Variants in AGBL1 observed in about 807,000 individuals in gnomAD.
AGBL1 encodes the protein cytosolic carboxypeptidase 4.
AGBL1 carries 130 observed loss-of-function variants against 118.9 expected under a neutral mutation model. The observed-to-expected ratio is 1.09, with a 90% CI of 0.95 to 1.26. The LOEUF (loss-of-function observed/expected upper bound fraction) is 1.26. Among genes scored for constraint, AGBL1 ranks in the 50% most tolerant of loss-of-function variants. The pLI, the probability that AGBL1 is intolerant of heterozygous loss-of-function variation, is 0.00. For missense variants in AGBL1, 1,584 were observed against 1,298.1 expected (o/e 1.22, Z -3.38); for synonymous variants, 555 against 478.9 (o/e 1.16, Z -2.08).
rs527889074 is a variant in AGBL1 at position 86,635,112 on chromosome 15, C to A, written c.2995-39161C>A. Among the ~76,000 whole-genome samples, 5 of 152,032 alleles carry A rather than the reference C, an allele frequency of 3.3e-5. No homozygotes were observed. The South Asian group carries it at 1.0e-3, about 32-fold the overall frequency. Reference sequence around the variant, plus strand: ...TAATGATATATTCTCATTTAAGAGGCTGTGGAGAAGAGAAAAGAATGAGTG... The same window carrying A: ...TAATGATATATTCTCATTTAAGAGGATGTGGAGAAGAGAAAAGAATGAGTG... On this transcript the variant is annotated intron_variant, in intron 21 of 22. Transcript: ENST00000614907.
In AGBL1 at chr15:86,158,508, A is replaced by G. The variant is rs560218784; in HGVS notation, c.395-425A>G. ...GCTCTACCTAAAGTGATCTAAGTGG[A>G]ATAGGGTACTGGGAATGTTGGAGAG... On this transcript the variant is annotated intron_variant, in intron 4 of 22. Coordinates refer to ENST00000614907, the MANE Select transcript of AGBL1 (RefSeq NM_001386094.1). 1.1e-4 allele frequency among the ~76,000 whole-genome samples: 16 copies of G among 152,310 alleles called. 1 individual carries two copies. Among genetic ancestry groups the G allele is most frequent in the Admixed American group, 2.6e-4 (4 of 15,288 alleles).
rs928214589 is a variant in AGBL1, at chr15:86,396,243, G to GTGTGTGTA, written c.2375-1122_2375-1121insGTGTGTAT. 7.1e-5 allele frequency among the ~76,000 whole-genome samples: 9 copies of GTGTGTGTA among 126,630 alleles called. 1 individual carries two copies. Among genetic ancestry groups the GTGTGTGTA allele is most frequent in the African/African-American group, 2.5e-4 (8 of 32,376 alleles). 83.1% of individuals were successfully genotyped at this position (126,630 alleles called of 152,430 possible). A position where few individuals can be genotyped will look rare whatever the true frequency, so the allele number is the denominator to read the frequency against. On this transcript the variant is annotated intron_variant, in intron 17 of 22. Coordinates refer to ENST00000614907, the MANE Select transcript of AGBL1 (RefSeq NM_001386094.1). The stretch of plus-strand genomic sequence containing the variant: ...TATATATATGTGTGTGTGTGTGTGT[G>GTGTGTGTA]TATATATATATATATATATACACAC...
At position 86,266,291 on chromosome 15, in the gene AGBL1, A is replaced by T. The variant is rs1597651266; in HGVS notation, c.1668-83A>T. 13 of 1,009,696 alleles carry T rather than the reference A, an allele frequency of 1.3e-5. No individual in the cohort carries two copies. The East Asian group carries it at 3.6e-4, about 28-fold the overall frequency. The allele number at this position is 1,009,696 out of a possible 1,614,324, so 62.5% of individuals were successfully genotyped here. A position where few individuals can be genotyped will look rare whatever the true frequency, so the allele number is the denominator to read the frequency against. ...CTTTCATATTTTTCTGGTGACCCCC[A>T]AAGTTCTTCCCAGGTGATCACAGGA... On this transcript the variant is annotated intron_variant, in intron 11 of 22. Transcript: ENST00000614907.
chr15:86,991,381 G>A (rs958113862), intron 24 of AGBL1, among the ~76,000 whole-genome samples: 1 of 151,638 alleles, frequency 6.6e-6, no homozygotes, highest in African/African-American at 2.4e-5. Flanking sequence ...CATTTCCATC[G>A]TTTCCCCAAA....
chr15:86,545,198 T>A (rs1490908077), intron 19 of AGBL1, among the ~76,000 whole-genome samples: 3 of 152,168 alleles, frequency 2.0e-5, no homozygotes, highest in African/African-American at 7.2e-5. Context: ...GATCCTAGAA[T>A]GAAGAAAACA....
At chr15:86,957,649 TTGAA>T (rs1309519566) in intron 23 of AGBL1, among the ~76,000 whole-genome samples, 1 of 152,038 alleles carries the variant, frequency 6.6e-6, no homozygotes, top group East Asian at 1.9e-4. Flanking sequence ...TAACAAAAAT[TTGAA>T]TGATCTTTCA....
intron 22 of AGBL1, among the ~76,000 whole-genome samples, chr15:86,679,969 T>C (rs2085923801): frequency 6.6e-6 from 1 of 152,122 alleles, no homozygotes; most frequent in South Asian, 2.1e-4. Flanking sequence ...TATTTGTGAG[T>C]GAGTGAAGTC....
At chr15:86,604,797 CTT>C (rs56780270) in intron 21 of AGBL1, among the ~76,000 whole-genome samples, 7 of 132,026 alleles carry the variant, frequency 5.3e-5, no homozygotes, top group Non-Finnish European at 8.2e-5. Context: ...TCTTTTCTTT[CTT>C]TTTTTTTTTT....
intron 20 of AGBL1, among the ~76,000 whole-genome samples, chr15:86,547,389 T>C (rs984960719): frequency 2.6e-5 from 4 of 152,086 alleles, no homozygotes; most frequent in African/African-American, 4.8e-5. Flanking sequence ...GGTAATAATA[T>C]TAATAGATAA....
intron 17 of AGBL1, among the ~76,000 whole-genome samples, chr15:86,338,426 G>T (rs2080407732): frequency 6.6e-6 from 1 of 152,124 alleles, no homozygotes; most frequent in Admixed American, 6.5e-5. Context: ...TTTTCTTTGA[G>T]TGATTTGGCA....
intron 21 of AGBL1, among the ~76,000 whole-genome samples, chr15:86,586,481 G>A (rs1030110725): frequency 2.6e-5 from 4 of 152,118 alleles, no homozygotes; most frequent in African/African-American, 9.7e-5. Context: ...GAATAGTCGA[G>A]TAACATGTCC....
intron 21 of AGBL1, among the ~76,000 whole-genome samples, chr15:86,588,617 AC>A (rs2084289073): frequency 6.6e-6 from 1 of 152,028 alleles, no homozygotes; most frequent in Non-Finnish European, 1.5e-5. Flanking sequence ...ATCAAATCCA[AC>A]CCCTGGAGTG....
At chr15:86,493,813 A>C (rs1442977696) in intron 18 of AGBL1, among the ~76,000 whole-genome samples, 1 of 151,968 alleles carries the variant, frequency 6.6e-6, no homozygotes, top group Non-Finnish European at 1.5e-5. Context: ...AAGCTTGAAA[A>C]ATTACTTCCT....
intron 21 of AGBL1, among the ~76,000 whole-genome samples, chr15:86,557,617 C>T (rs1378662012): frequency 6.6e-6 from 1 of 152,190 alleles, no homozygotes; most frequent in African/African-American, 2.4e-5. Context: ...TTCTACCACC[C>T]ACAAGGGCTC....
At chr15:86,127,487 C>T (rs1024564208) in intron 1 of AGBL1, among the ~76,000 whole-genome samples, 2 of 152,114 alleles carry the variant, frequency 1.3e-5, no homozygotes, top group Non-Finnish European at 1.5e-5. Context: ...TGAGTATGGA[C>T]ACAATGGAAG....
chr15:86,311,164 A>G (rs904611553), intron 17 of AGBL1, among the ~76,000 whole-genome samples: 1 of 152,172 alleles, frequency 6.6e-6, no homozygotes, highest in Non-Finnish European at 1.5e-5. Context: ...TGTTCTTGGC[A>G]CTTACAGATT....
At chr15:86,147,559 A>T (rs2077049472) in intron 3 of AGBL1, among the ~76,000 whole-genome samples, 1 of 152,198 alleles carries the variant, frequency 6.6e-6, no homozygotes, top group African/African-American at 2.4e-5. Context: ...GGCTGGGGGA[A>T]GGGTGTCCGC....
intron 21 of AGBL1, among the ~76,000 whole-genome samples, chr15:86,591,549 A>C: frequency 6.6e-6 from 1 of 152,154 alleles, no homozygotes; most frequent in East Asian, 1.9e-4. Context: ...AGAAACACTT[A>C]CTTGTGTTTA....
intron 5 of AGBL1, among the ~76,000 whole-genome samples, chr15:86,159,595 T>A (rs147750172): frequency 3.5e-3 from 537 of 152,150 alleles, no homozygotes; most frequent in Middle Eastern, 6.8e-3. Flanking sequence ...TGCCTCTGCT[T>A]GCTGGAGTGG....
Sources: gnomAD v4.1 joint callset for allele counts (sites outside exome capture counted in the v4.1 genomes callset) on GRCh38, gnomAD v4.1.1 for gene constraint, MANE v1.5 for transcripts, NCBI Gene and HGNC (gene_info 2026-07-23, HGNC 2026-07-21) for gene names.